The following LTBP1 variants were observed in gnomAD, a reference collection of about 807,000 sequenced individuals.
The protein encoded by LTBP1 is latent transforming growth factor beta binding protein 1.
In LTBP1, 129 loss-of-function variants were observed where a neutral mutation model predicts 207.6. The ratio of observed to expected loss-of-function variants is 0.62; its 90% confidence interval spans 0.54 to 0.72. The LOEUF is 0.72. LTBP1 is among the 30% of genes least tolerant of loss of function. The pLI, the probability that LTBP1 is intolerant of heterozygous loss-of-function variation, is 0.00. For missense variants in LTBP1, 2,281 were observed against 2,217.2 expected (o/e 1.03, Z -0.58); for synonymous variants, 963 against 833.7 (o/e 1.16, Z -2.67).
At chr2:33,355,834 G>A (rs1025791213) in intron 26 of LTBP1, among the ~76,000 whole-genome samples, 14 of 152,244 alleles carry the variant, frequency 9.2e-5, no homozygotes, top group East Asian at 5.8e-4. Flanking sequence ...CTAGGTGTGC[G>A]TGTGTGTCCT....
rs2148814992 is a variant in LTBP1, at chr2:33,187,014, G to A, written c.1360G>A (p.Gly454Arg). The change falls in exon 6 of 34, where the codon GGG becomes AGG. Residue 454 changes from glycine to arginine, a missense_variant. Physicochemically the swap from Gly to Arg is moderately radical, Grantham distance 125. This residue lies in a region of LTBP1 where 1,671 missense variants were observed against 1,634.8 expected (regional missense o/e 1.02). Transcript: ENST00000404816. ...TTCCCAGCAGCCAGGCAAGGCGTTG[G>A]GGACGCATGTCATCCATTCAACACA... is the stretch of plus-strand genomic sequence containing the variant. ...QHSQQPGKAL[G>R]THVIHSTHTL... is the part of the protein sequence containing the mutation. 1 of 1,614,160 alleles carries A rather than the reference G, an allele frequency of 6.2e-7. No individual in the cohort carries two copies. The highest frequency in any genetic ancestry group is 8.5e-7 in the Non-Finnish European group (1 of 1,180,024).
intron 31 of LTBP1, among the ~76,000 whole-genome samples, chr2:33,370,026 A>AAGGCAAAC (rs564355637): frequency 0.035 from 5,383 of 152,332 alleles, 100 homozygotes; most frequent in Middle Eastern, 0.051. Flanking sequence ...TGGTTTGGCA[A>AAGGCAAAC]CTTCTTTTCC....
intron 3 of LTBP1, among the ~76,000 whole-genome samples, chr2:33,031,102 T>C (rs565135846): frequency 1.6e-4 from 25 of 152,334 alleles, no homozygotes; most frequent in African/African-American, 5.3e-4. Flanking sequence ...TCTGGTTTTT[T>C]TTATGCTCAA....
intron 10 of LTBP1, among the ~76,000 whole-genome samples, chr2:33,245,044 A>G (rs1184107591): frequency 6.6e-6 from 1 of 151,968 alleles, no homozygotes; most frequent in Non-Finnish European, 1.5e-5. Flanking sequence ...ACGCCCAGCT[A>G]ATTTTTTGTA....
At chr2:33,229,811 T>A (rs1324486381) in intron 9 of LTBP1, among the ~76,000 whole-genome samples, 1 of 152,218 alleles carries the variant, frequency 6.6e-6, no homozygotes, top group African/African-American at 2.4e-5. Context: ...AATCCTGGCT[T>A]AGGTCTCTGG....
chr2:33,148,828 C>T (rs1048889897), intron 5 of LTBP1, among the ~76,000 whole-genome samples: 7 of 152,136 alleles, frequency 4.6e-5, no homozygotes, highest in African/African-American at 1.7e-4. Flanking sequence ...TTGGCAATGC[C>T]GGCAAACATT....
At chr2:33,139,392 C>A (rs2082453635) in intron 5 of LTBP1, among the ~76,000 whole-genome samples, 1 of 152,054 alleles carries the variant, frequency 6.6e-6, no homozygotes, top group Admixed American at 6.5e-5. Context: ...CTAAGATAAG[C>A]AAATCATAAA....
chr2:32,953,251 C>T (rs1677475436), intron 2 of LTBP1, among the ~76,000 whole-genome samples: 2 of 152,208 alleles, frequency 1.3e-5, no homozygotes, highest in Admixed American at 1.3e-4. Flanking sequence ...TGTGATGTGG[C>T]TGGAGTTCAG....
At chr2:33,163,928 CA>C (rs1223116101) in intron 5 of LTBP1, among the ~76,000 whole-genome samples, 5 of 151,866 alleles carry the variant, frequency 3.3e-5, no homozygotes, top group Non-Finnish European at 5.9e-5. Flanking sequence ...GTGCTCTATC[CA>C]GAAAAGATGC....
intron 3 of LTBP1, among the ~76,000 whole-genome samples, chr2:33,096,232 A>G (rs2079383329): frequency 6.6e-6 from 1 of 152,222 alleles, no homozygotes; most frequent in Non-Finnish European, 1.5e-5. Flanking sequence ...ACATTTTTAA[A>G]GTGCTAGAAA....
intron 24 of LTBP1, among the ~76,000 whole-genome samples, chr2:33,334,858 G>A (rs1351641967): frequency 1.3e-5 from 2 of 150,816 alleles, no homozygotes; most frequent in Admixed American, 6.6e-5. Context: ...CACTTGAGCC[G>A]AGGAGTTTGA....
chr2:33,327,553 T>G (rs961247446), intron 24 of LTBP1, among the ~76,000 whole-genome samples: 1 of 152,212 alleles, frequency 6.6e-6, no homozygotes, highest in Non-Finnish European at 1.5e-5. Context: ...TTCTTATTTT[T>G]GCTTATATTC....
chr2:33,091,277 G>A (rs1024995189), intron 3 of LTBP1, among the ~76,000 whole-genome samples: 1 of 152,160 alleles, frequency 6.6e-6, no homozygotes, highest in Middle Eastern at 3.2e-3. Flanking sequence ...CTGGTCCTGT[G>A]GGGCTGTAAG....
At chr2:32,975,746 A>C (rs143324640) in intron 2 of LTBP1, among the ~76,000 whole-genome samples, 1 of 152,048 alleles carries the variant, frequency 6.6e-6, no homozygotes, top group African/African-American at 2.4e-5. Flanking sequence ...TTTTAGCTCT[A>C]TCAGATGAGT....
rs56171359 is a variant in LTBP1 at position 33,341,729 on chromosome 2, A to AATATATATATATATATAT, written c.3731-1093_3731-1092insATATATATATATATATAT. 5.4e-3 allele frequency among the ~76,000 whole-genome samples: 506 copies of AATATATATATATATATAT among 93,538 alleles called. 2 individuals carry two copies. The highest frequency in any genetic ancestry group is 7.4e-3 in the Non-Finnish European group (387 of 51,998). 61.4% of individuals were successfully genotyped at this position (93,538 alleles called of 152,430 possible). ...CCGTCTCACTCAAAAAAAAAAAAAAAATATATATATATATATGTATATTTA... is the reference window on the plus strand; with the variant it reads ...CCGTCTCACTCAAAAAAAAAAAAAAAATATATATATATATATATATATATATATATATATGTATATTTA... On this transcript the variant is annotated intron_variant, in intron 24 of 33. Transcript: ENST00000404816.
At chr2:33,071,473 G>A (rs959844820) in intron 3 of LTBP1, among the ~76,000 whole-genome samples, 1 of 152,186 alleles carries the variant, frequency 6.6e-6, no homozygotes, top group African/African-American at 2.4e-5. Flanking sequence ...CCAGGCAGTG[G>A]GATCATTGGG....
intron 7 of LTBP1, among the ~76,000 whole-genome samples, chr2:33,200,668 C>G (rs2089136400): frequency 6.6e-6 from 1 of 152,142 alleles, no homozygotes; most frequent in African/African-American, 2.4e-5. Context: ...GCAAAAGAAG[C>G]TACCATCAGA....
At chr2:32,962,252 C>T (rs1426954744) in intron 2 of LTBP1, among the ~76,000 whole-genome samples, 2 of 152,112 alleles carry the variant, frequency 1.3e-5, no homozygotes, top group African/African-American at 2.4e-5. Context: ...ATTCTACCCT[C>T]CCTGGAATTT....
At chr2:33,196,447 G>A (rs545407976) in intron 7 of LTBP1, among the ~76,000 whole-genome samples, 2 of 152,098 alleles carry the variant, frequency 1.3e-5, no homozygotes, top group Non-Finnish European at 2.9e-5. Flanking sequence ...TAATGGGAGT[G>A]TTGGGTGAGT....
Sources: allele counts gnomAD v4.1 joint callset (sites outside exome capture counted in the v4.1 genomes callset), GRCh38; gene constraint gnomAD v4.1.1; regional missense constraint gnomAD v4.1.1; transcripts MANE v1.5; gene names NCBI Gene and HGNC (gene_info 2026-07-23, HGNC 2026-07-21).